ADAMTS7: variants seen among roughly 807,000 people sequenced by gnomAD.
ADAMTS7 encodes A disintegrin and metalloproteinase with thrombospondin motifs 7.
A neutral mutation model predicts 172.6 loss-of-function variants in ADAMTS7; 89 were observed. That is an observed-to-expected ratio of 0.52 (90% CI 0.43 to 0.61). ADAMTS7 has a LOEUF of 0.61. Ranked by LOEUF, ADAMTS7 falls within the 20% of genes least tolerant of loss-of-function variation. The pLI is 0.00. For synonymous variants in ADAMTS7, 885 were observed against 978.4 expected, an observed-to-expected ratio of 0.90 and a Z score of 1.78; for missense variants, 1,973 against 2,355.6, an observed-to-expected ratio of 0.84 and a Z score of 3.36.
intron 1 of ADAMTS7, among the ~76,000 whole-genome samples, chr15:78,805,569 C>T (rs1334692445): frequency 6.6e-6 from 1 of 152,192 alleles, no homozygotes; most frequent in African/African-American, 2.4e-5. Flanking sequence ...GCTTGTGTTT[C>T]CTTTCACTCA....
At chr15:78,776,048 G>A in intron 11 of ADAMTS7, 140 bp downstream of exon 11, 1 of 1,170,604 alleles carries the variant, frequency 8.5e-7, no homozygotes, top group Admixed American at 3.1e-5. Flanking sequence ...GTGACTTAAG[G>A]TGGCCTGGAC....
At chr15:78,808,287 A>G (rs2055822124) in intron 1 of ADAMTS7, among the ~76,000 whole-genome samples, 1 of 152,174 alleles carries the variant, frequency 6.6e-6, no homozygotes, top group Non-Finnish European at 1.5e-5. Flanking sequence ...CCCAGGCTAG[A>G]ATGCAGTGGT....
Position 78,766,035 on chromosome 15 carries a change from G to A in ADAMTS7, c.3876C>T (p.Leu1292=), listed in dbSNP as rs142353344. ...ELWPTVGVAS[L]LPPPIAPLPE... is the part of the protein sequence containing the mutation. ...GCAGAGGGGCTATGGGAGGAGGAAGGAGAGAAGCCACCCCAACAGTGGGCC... is the reference window on the plus strand; with the variant it reads ...GCAGAGGGGCTATGGGAGGAGGAAGAAGAGAAGCCACCCCAACAGTGGGCC... Residue 1292 remains leucine (L), a synonymous_variant, in exon 19 of 24, where the codon CTC becomes CTT. Coordinates refer to ENST00000388820, the MANE Select transcript of ADAMTS7 (RefSeq NM_014272.5). 3.7e-6 allele frequency: 6 copies of A among 1,604,206 alleles called. 1 individual carries two copies. In the African/African-American group the frequency reaches 8.0e-5, roughly 21 times the overall value.
intron 8 of ADAMTS7, 87 bp downstream of exon 8, chr15:78,788,144 G>A (rs1318165626): frequency 2.1e-5 from 32 of 1,540,362 alleles, no homozygotes; most frequent in East Asian, 1.4e-4. Flanking sequence ...CCTCTACCCC[G>A]GCCCTGCAGT....
At position 78,759,459 on chromosome 15, in the gene ADAMTS7, C is replaced by T. The variant is rs201472223; in HGVS notation, c.5023G>A (p.Ala1675Thr). The T allele has an allele frequency of 7.2e-4, 1,146 of 1,588,112 alleles. 2 individuals are homozygous for T. The highest frequency in any genetic ancestry group is 9.2e-4 in the Non-Finnish European group (1,075 of 1,173,340). Residue 1675 changes from alanine (A) to threonine (T), a missense_variant, in exon 24 of 24, where the codon GCC becomes ACC. Transcript: ENST00000388820. Reference sequence around the variant, plus strand: ...ACCCGCTGATGGCCTCGGGAGGGGGCGCCGTGGCTGGGCGGAGAGCACGAG... The same window carrying T: ...ACCCGCTGATGGCCTCGGGAGGGGGTGCCGTGGCTGGGCGGAGAGCACGAG... ...CRSCSPPSHGAPSRGHQRVAR... is the reference protein window; with the variant it reads ...CRSCSPPSHGTPSRGHQRVAR...
chr15:78,781,404 T>C (rs2055426450), intron 8 of ADAMTS7, among the ~76,000 whole-genome samples: 1 of 152,126 alleles, frequency 6.6e-6, no homozygotes, highest in Admixed American at 6.5e-5. Context: ...AAGGTGAAAG[T>C]GTGAAAGGAC....
intron 16 of ADAMTS7, among the ~76,000 whole-genome samples, chr15:78,769,115 T>C (rs1242370694): frequency 6.6e-6 from 1 of 152,094 alleles, no homozygotes; most frequent in Non-Finnish European, 1.5e-5. Context: ...GGACAAGAAA[T>C]GGGGCATCAA....
chr15:78,788,498 G>T, intron 7 of ADAMTS7, 124 bp from the exon 8 acceptor site: 1 of 1,127,078 alleles, frequency 8.9e-7, no homozygotes, highest in Non-Finnish European at 1.3e-6. Context: ...CCCAATGGCT[G>T]CACCCAATGG....
At chr15:78,797,618 A>G (rs1567237689) in intron 3 of ADAMTS7, among the ~76,000 whole-genome samples, 1 of 152,206 alleles carries the variant, frequency 6.6e-6, no homozygotes, top group Non-Finnish European at 1.5e-5. Flanking sequence ...CGGCCTGGGC[A>G]CTGGAGGAAG....
At chr15:78,772,946 C>T (rs2055275245) in intron 14 of ADAMTS7, 137 bp downstream of exon 14, 3 of 1,187,144 alleles carry the variant, frequency 2.5e-6, no homozygotes, top group Admixed American at 4.7e-5. Context: ...CAAGAATCCA[C>T]CCCAGCAAGG....
At chr15:78,787,099 G>C (rs991538539) in intron 8 of ADAMTS7, among the ~76,000 whole-genome samples, 2 of 152,040 alleles carry the variant, frequency 1.3e-5, no homozygotes, top group Admixed American at 6.5e-5. Flanking sequence ...TGTGTTAACT[G>C]TTTATGTTAT....
rs1244637678 is a variant in ADAMTS7 at position 78,780,633 on chromosome 15, T to C, written c.1323-3045A>G. On this transcript the variant is annotated intron_variant, in intron 8 of 23. Coordinates refer to ENST00000388820, the MANE Select transcript of ADAMTS7 (RefSeq NM_014272.5). ...AGTCCGGAAAGGTTCTTAGAGTTCT[T>C]CAGGTCAACCCTCTTGGACAAGCTC... 1.5e-4 allele frequency among the ~76,000 whole-genome samples: 23 copies of C among 152,022 alleles called. No individual in the cohort carries two copies. In the East Asian group the frequency reaches 2.3e-3, roughly 15 times the overall value.
In ADAMTS7 at chr15:78,776,297, G is replaced by A. The variant is rs745963439; in HGVS notation, c.1597C>T (p.Arg533Trp). ...LSGECVPVGF[R>W]PEAVDGGWSG... The stretch of plus-strand genomic sequence containing the variant: ...CAGCCACCATCCACGGCCTCGGGCC[G>A]GAAGCCCACGGGTACGCACTCCCCA... The change falls in exon 11 of 24, where the codon CGG (arginine) becomes TGG (tryptophan). Residue 533 changes from arginine (R) to tryptophan (W), a missense_variant. By Grantham distance (101) the Arg-to-Trp change is moderately radical. Coordinates refer to ENST00000388820, the MANE Select transcript of ADAMTS7 (RefSeq NM_014272.5). 4.0e-5 allele frequency: 64 copies of A among 1,611,782 alleles called. No homozygotes were observed. The East Asian group carries it at 5.3e-4, about 13-fold the overall frequency.
chr15:78,809,489 A>T lies in ADAMTS7; in HGVS notation c.100+1632T>A, dbSNP rs146445545. Among the ~76,000 whole-genome samples, 239 of 152,282 alleles carry T rather than the reference A, an allele frequency of 1.6e-3. 1 individual carries two copies. The highest frequency in any genetic ancestry group is 3.6e-3 in the African/African-American group (151 of 41,572). On this transcript the variant is annotated intron_variant, in intron 1 of 23. Coordinates refer to ENST00000388820, the MANE Select transcript of ADAMTS7 (RefSeq NM_014272.5). The stretch of plus-strand genomic sequence containing the variant: ...GTGCCTGGCCTGCCTCCACCCTCAA[A>T]CAGCAGGTCCAGGTCATCTGGGGAG...
chr15:78,806,091 A>AACACAC (rs1216857182), intron 1 of ADAMTS7, among the ~76,000 whole-genome samples: 745 of 27,372 alleles, frequency 0.027, 35 homozygotes, highest in Admixed American at 0.037. Context: ...CCCCCCCAAA[A>AACACAC]ACACACACAC....
intron 8 of ADAMTS7, among the ~76,000 whole-genome samples, chr15:78,785,011 G>C (rs2055482690): frequency 6.6e-6 from 1 of 151,726 alleles, no homozygotes; most frequent in African/African-American, 2.4e-5. Context: ...AAGTAGCATG[G>C]GATCCAAGAA....
chr15:78,788,085 C>T (rs1477026634), intron 8 of ADAMTS7, 146 bp downstream of exon 8: 4 of 1,103,260 alleles, frequency 3.6e-6, no homozygotes, highest in Non-Finnish European at 5.1e-6. Flanking sequence ...GTCTGCATCA[C>T]CCCCATTAGA....
chr15:78,779,288 C>CT (rs1232763744), intron 8 of ADAMTS7, among the ~76,000 whole-genome samples: 1 of 152,170 alleles, frequency 6.6e-6, no homozygotes, highest in African/African-American at 2.4e-5. Context: ...TGGGGGCATA[C>CT]CCTCTCATTT....
At chr15:78,774,915 T>G in intron 11 of ADAMTS7, 122 bp from the exon 12 acceptor site, 1 of 1,244,586 alleles carries the variant, frequency 8.0e-7, no homozygotes, top group Non-Finnish European at 1.1e-6. Flanking sequence ...CCCAGCTTTG[T>G]GCACGCTGCT....
Sources: allele counts gnomAD v4.1 joint callset (sites outside exome capture counted in the v4.1 genomes callset), GRCh38; gene constraint gnomAD v4.1.1; transcripts MANE v1.5; gene names NCBI Gene and HGNC (gene_info 2026-07-23, HGNC 2026-07-21).